The following UBL3 variants were observed in gnomAD, a reference collection of about 807,000 sequenced individuals.
The protein encoded by UBL3 is ubiquitin like 3.
A neutral mutation model predicts 18.4 loss-of-function variants in UBL3; 6 were observed. That is an observed-to-expected ratio of 0.33 (90% confidence interval 0.18 to 0.64). UBL3 has a LOEUF of 0.64. Ranked by LOEUF, UBL3 falls within the 30% of genes least tolerant of loss-of-function variation. The pLI is 0.76. For missense variants in UBL3, 109 were observed against 142.9 expected, an observed-to-expected ratio of 0.76 and a Z score of 1.21; for synonymous variants, 49 against 46.6, an observed-to-expected ratio of 1.05 and a Z score of -0.21.
At chr13:29,844,837 C>T (rs1344399645) in intron 1 of UBL3, among the ~76,000 whole-genome samples, 2 of 152,124 alleles carry the variant, frequency 1.3e-5, no homozygotes, top group East Asian at 3.8e-4. Flanking sequence ...AAAATAACTT[C>T]AAGTTTTAAT....
chr13:29,771,054 A>T (rs1425068269), intron 3 of UBL3, among the ~76,000 whole-genome samples: 1 of 152,022 alleles, frequency 6.6e-6, no homozygotes, highest in Non-Finnish European at 1.5e-5. Context: ...GTCCTATGTA[A>T]TACTAGAGCA....
chr13:29,850,308 G>A lies in UBL3; in HGVS notation c.-770C>T, dbSNP rs1879340294. 2 of 153,218 alleles carry A rather than the reference G, an allele frequency of 1.3e-5. No individual in the cohort carries two copies. The highest frequency in any genetic ancestry group is 3.6e-4 in the South Asian group (2 of 5,630). The allele number at this position is 153,218 out of a possible 1,614,324, so 9.5% of individuals were successfully genotyped here. The stretch of plus-strand genomic sequence containing the variant: ...GCCTCCGGACAGCAGCTGGGGTCGG[G>A]GCGCATCGTCTCCGGCTCCTCGCCA... On this transcript the variant is annotated 5_prime_UTR_variant, in exon 1 of 5. Coordinates refer to ENST00000380680, the MANE Select transcript of UBL3 (RefSeq NM_007106.4).
intron 3 of UBL3, among the ~76,000 whole-genome samples, chr13:29,769,777 G>A (rs377307774): frequency 2.6e-4 from 39 of 152,166 alleles, no homozygotes; most frequent in African/African-American, 9.4e-4. Flanking sequence ...AAAAAGGGGG[G>A]ATTCAGGGCT....
intron 3 of UBL3, among the ~76,000 whole-genome samples, chr13:29,767,999 A>AT (rs950426834): frequency 1.3e-5 from 2 of 151,958 alleles, no homozygotes; most frequent in Non-Finnish European, 2.9e-5. Flanking sequence ...AAAGGATTAA[A>AT]TTTTTTTTAA....
In UBL3 at chr13:29,815,565, T is replaced by A. The variant is rs187253026; in HGVS notation, c.27+33947A>T. Among the ~76,000 whole-genome samples, 9 of 152,318 alleles carry A rather than the reference T, an allele frequency of 5.9e-5. No individual in the cohort carries two copies. The South Asian group carries it at 1.4e-3, about 25-fold the overall frequency. On this transcript the variant is annotated intron_variant, in intron 1 of 4. Transcript: ENST00000380680. ...AAACAAAACCCCATTTTATTGTTGC[T>A]CTTCTGAATGCCACTTTATTCCCAA...
chr13:29,820,517 G>A (rs1181494910), intron 1 of UBL3, among the ~76,000 whole-genome samples: 2 of 152,050 alleles, frequency 1.3e-5, no homozygotes, highest in Non-Finnish European at 2.9e-5. Context: ...AATGAACTCT[G>A]AGTTTAGGAT....
intron 1 of UBL3, among the ~76,000 whole-genome samples, chr13:29,780,423 G>GTT (rs201576367): frequency 0.05 from 6,166 of 124,036 alleles, 205 homozygotes; most frequent in Middle Eastern, 0.11. Flanking sequence ...TATATAATAA[G>GTT]TTATATATAT....
chr13:29,827,817 C>T (rs897611255), intron 1 of UBL3, among the ~76,000 whole-genome samples: 1 of 152,152 alleles, frequency 6.6e-6, no homozygotes, highest in Non-Finnish European at 1.5e-5. Flanking sequence ...GTGGCTGGTA[C>T]CTGTTGTTGC....
intron 1 of UBL3, among the ~76,000 whole-genome samples, chr13:29,840,209 C>T (rs1443262172): frequency 6.6e-6 from 1 of 151,596 alleles, no homozygotes; most frequent in East Asian, 1.9e-4. Context: ...TAAAAGGATA[C>T]ACACACACAC....
rs1876710026 is a variant in UBL3, at chr13:29,767,126, T to C, written c.*129A>G. On this transcript the variant is annotated 3_prime_UTR_variant, in exon 5 of 5. Transcript: ENST00000380680. Reference sequence around the variant, plus strand: ...TCATGAGAAAAGATGACAGTGTTCATGTGGTAATTCAGTTCCATGTGTTTA... The same window carrying C: ...TCATGAGAAAAGATGACAGTGTTCACGTGGTAATTCAGTTCCATGTGTTTA... The C allele has an allele frequency of 1.3e-6, 1 of 781,510 alleles. No individual in the cohort carries two copies. Among genetic ancestry groups the C allele is most frequent in the East Asian group, 2.7e-5 (1 of 36,912 alleles). 48.4% of individuals were successfully genotyped at this position (781,510 alleles called of 1,614,324 possible).
rs1878894916 is a variant in UBL3 at position 29,835,103 on chromosome 13, TATAAATATATATATATATATAA to T, written c.27+14387_27+14408del. Among the ~76,000 whole-genome samples, 14 of 25,758 alleles carry T rather than the reference TATAAATATATATATATATATAA, an allele frequency of 5.4e-4. 2 individuals are homozygous for T. Among genetic ancestry groups the T allele is most frequent in the African/African-American group, 5.2e-3 (14 of 2,686 alleles). The allele number at this position is 25,758 out of a possible 152,430, so 16.9% of individuals were successfully genotyped here. A position where few individuals can be genotyped will look rare whatever the true frequency, so the allele number is the denominator to read the frequency against. On this transcript the variant is annotated intron_variant, in intron 1 of 4. Coordinates refer to ENST00000380680, the MANE Select transcript of UBL3 (RefSeq NM_007106.4). ...ATATAAATATAAATATATATATATA[TATAAATATATATATATATATAA>T]ATATATATATATATATATATATATA...
chr13:29,814,415 C>CA (rs1878210017), intron 1 of UBL3, among the ~76,000 whole-genome samples: 3 of 151,832 alleles, frequency 2.0e-5, no homozygotes, highest in African/African-American at 7.2e-5. Context: ...CTACTGTTAT[C>CA]ATAAATAATC....
At position 29,767,636 on chromosome 13, in the gene UBL3, G is replaced by A. The variant is rs765691495; in HGVS notation, c.283C>T (p.Pro95Ser). Reference protein sequence around the residue: ...VMHLVARETLPEPNSQGQRNR... With the variant: ...VMHLVARETLSEPNSQGQRNR... ...GGCTTACCTTGAGAGTTTGGCTCTG[G>A]TAATGTCTCTCTGGCCACCAAATGC... The change falls in exon 4 of 5, where the codon CCA (proline) becomes TCA (serine). Residue 95 changes from proline (P) to serine (S), a missense_variant. Transcript: ENST00000380680. 1 of 1,612,920 alleles carries A rather than the reference G, an allele frequency of 6.2e-7. No individual in the cohort carries two copies. Among genetic ancestry groups the A allele is most frequent in the Non-Finnish European group, 8.5e-7 (1 of 1,179,222 alleles).
intron 1 of UBL3, among the ~76,000 whole-genome samples, chr13:29,790,629 T>G (rs1198112482): frequency 6.6e-6 from 1 of 152,184 alleles, no homozygotes; most frequent in Non-Finnish European, 1.5e-5. Context: ...CTACTTTATA[T>G]GTTTCCTTCT....
chr13:29,825,243 T>G (rs1255973437), intron 1 of UBL3, among the ~76,000 whole-genome samples: 3 of 152,222 alleles, frequency 2.0e-5, no homozygotes, highest in Admixed American at 1.3e-4. Context: ...GTGAAGAAAG[T>G]CATTGGTAGC....
intron 1 of UBL3, among the ~76,000 whole-genome samples, chr13:29,823,177 C>T (rs1422784941): frequency 6.6e-6 from 1 of 152,010 alleles, no homozygotes; most frequent in Non-Finnish European, 1.5e-5. Context: ...GAGTTCGCTC[C>T]TGTTGCCCAG....
intron 1 of UBL3, among the ~76,000 whole-genome samples, chr13:29,839,783 T>C (rs1020334686): frequency 6.6e-6 from 1 of 151,842 alleles, no homozygotes; most frequent in Non-Finnish European, 1.5e-5. Context: ...AAAAATTAGC[T>C]GGGCGTGGTG....
intron 1 of UBL3, among the ~76,000 whole-genome samples, chr13:29,807,008 T>C (rs1216126420): frequency 2.6e-5 from 4 of 152,204 alleles, no homozygotes; most frequent in African/African-American, 9.6e-5. Flanking sequence ...TTCTAATATG[T>C]AGTGTACTTC....
Position 29,839,530 on chromosome 13 carries a change from T to G in UBL3, c.27+9982A>C, listed in dbSNP as rs192029803. On this transcript the variant is annotated intron_variant, in intron 1 of 4. Coordinates refer to ENST00000380680, the MANE Select transcript of UBL3 (RefSeq NM_007106.4). ...AGCCAGGCACAGTGGTCTGCACATCTGTATTCTCAGCTACTTGGGAGGCTA... is the reference window on the plus strand; with the variant it reads ...AGCCAGGCACAGTGGTCTGCACATCGGTATTCTCAGCTACTTGGGAGGCTA... Among the ~76,000 whole-genome samples the G allele has an allele frequency of 5.7e-3, 864 of 152,298 alleles. 3 individuals carry two copies. Among genetic ancestry groups the G allele is most frequent in the Non-Finnish European group, 0.01 (685 of 68,028 alleles).
Sources: allele counts gnomAD v4.1 joint callset (sites outside exome capture counted in the v4.1 genomes callset), GRCh38; gene constraint gnomAD v4.1.1; transcripts MANE v1.5; gene names NCBI Gene and HGNC (gene_info 2026-07-23, HGNC 2026-07-21).